PTCD1: variants seen among roughly 807,000 people sequenced by gnomAD.
PTCD1 encodes pentatricopeptide repeat domain 1, also known as pentatricopeptide repeat-containing protein 1, mitochondrial.
Under a neutral mutation model 53.4 loss-of-function variants are expected in PTCD1, and 50 were observed. The ratio of observed to expected loss-of-function variants is 0.94; its 90% CI spans 0.75 to 1.19. The LOEUF is 1.19. PTCD1 is among the 50% of genes most tolerant of loss of function. The probability of loss-of-function intolerance (pLI) is 0.00; values close to 1 mark genes in which losing one functional copy is unlikely to be tolerated. For synonymous variants in PTCD1, 413 were observed against 394.8 expected, an observed-to-expected ratio of 1.05 and a Z score of -0.55; for missense variants, 918 against 904.8, an observed-to-expected ratio of 1.01 and a Z score of -0.19.
Position 99,417,689 on chromosome 7 carries a change from A to G in PTCD1, c.*2278T>C. 6.4e-7 allele frequency: 1 copy of G among 1,560,010 alleles called. No homozygotes were observed. On this transcript the variant is annotated 3_prime_UTR_variant, in exon 8 of 8. Coordinates refer to ENST00000292478, the MANE Select transcript of PTCD1 (RefSeq NM_015545.4). ...TCTTATGTTATTTGGTTGGGCTGGA[A>G]TGTCGTTTTGTCCCTGGATGTCCTG... is the stretch of plus-strand genomic sequence containing the variant.
At chr7:99,424,674 T>G in intron 6 of PTCD1, 121 bp downstream of exon 6, 1 of 1,336,556 alleles carries the variant, frequency 7.5e-7, no homozygotes, top group African/African-American at 1.5e-5. Flanking sequence ...CCACTCTCTT[T>G]GCCCCATGCA....
intron 5 of PTCD1, among the ~76,000 whole-genome samples, chr7:99,427,425 A>G (rs1464805673): frequency 1.6e-4 from 19 of 118,380 alleles, no homozygotes; most frequent in South Asian, 3.3e-4. Context: ...GGCCGCCCCT[A>G]CTGGGAAGTG....
chr7:99,430,364 G>T (rs1472901824), intron 3 of PTCD1, among the ~76,000 whole-genome samples: 1 of 152,310 alleles, frequency 6.6e-6, no homozygotes, highest in East Asian at 1.9e-4. Context: ...TGAGCCTCCA[G>T]GGGACTAAGG....
intron 7 of PTCD1, among the ~76,000 whole-genome samples, chr7:99,420,894 C>T (rs1264208846): frequency 6.6e-6 from 1 of 151,948 alleles, no homozygotes; most frequent in African/African-American, 2.4e-5. Flanking sequence ...TTGCAGTGAG[C>T]TGAGATCACG....
At chr7:99,429,309 A>G (rs1408369256) in intron 4 of PTCD1, 105 bp from the exon 5 acceptor site, 3 of 1,428,452 alleles carry the variant, frequency 2.1e-6, no homozygotes, top group Middle Eastern at 1.7e-4. Flanking sequence ...CAGGATGATC[A>G]CTTGAGGCCA....
intron 3 of PTCD1, among the ~76,000 whole-genome samples, chr7:99,432,180 C>T (rs907587940): frequency 1.3e-5 from 2 of 152,254 alleles, no homozygotes; most frequent in South Asian, 2.1e-4. Flanking sequence ...CCCAGCCCGA[C>T]GCCCATAAAG....
Position 99,424,895 on chromosome 7 carries a change from A to G in PTCD1, c.1637T>C (p.Leu546Pro). ...GTTGGGGACGAGGCCCCTCTTTGCC[A>G]GGACCGGCAACAGCGCCTTGGCCCC... ...LEGAKALLPV[L>P]AKRGLVPNLQ... The change falls in exon 6 of 8, where the codon CTG becomes CCG. Residue 546 changes from leucine (L) to proline (P), a missense_variant. By Grantham distance (98) the Leu-to-Pro change is moderately conservative (BLOSUM62 -3). Transcript: ENST00000292478. 2 of 1,614,258 alleles carry G rather than the reference A, an allele frequency of 1.2e-6. No homozygotes were observed. The highest frequency in any genetic ancestry group is 2.2e-5 in the East Asian group (1 of 44,888).
chr7:99,436,371 G>A (rs1403982275), intron 1 of PTCD1, among the ~76,000 whole-genome samples: 1 of 152,130 alleles, frequency 6.6e-6, no homozygotes, highest in Non-Finnish European at 1.5e-5. Flanking sequence ...TGTAATCCCA[G>A]CACTTTGGGA....
At chr7:99,429,892 A>T in intron 3 of PTCD1, 86 bp from the exon 4 acceptor site, 3 of 1,534,166 alleles carry the variant, frequency 2.0e-6, no homozygotes, top group Non-Finnish European at 2.7e-6. Flanking sequence ...CTGAGGCTGG[A>T]GAGGACCCCG....
chr7:99,429,765 C>T lies in PTCD1; in HGVS notation c.636G>A (p.Thr212=), dbSNP rs757707795. Residue 212 remains threonine (T), a synonymous_variant, in exon 4 of 8, where the codon ACG becomes ACA. Transcript: ENST00000292478. ...ACTCGGCACAGACGTTGAACAGGGCCGTGTAGGTGGCGTCCGAGGGCTCCA... is the reference window on the plus strand; with the variant it reads ...ACTCGGCACAGACGTTGAACAGGGCTGTGTAGGTGGCGTCCGAGGGCTCCA... The part of the protein sequence containing the change: ...RDLEPSDATY[T]ALFNVCAESP... 1.9e-6 allele frequency: 3 copies of T among 1,614,034 alleles called. No individual in the cohort carries two copies. The highest frequency in any genetic ancestry group is 1.7e-5 in the Admixed American group (1 of 60,006).
Position 99,424,801 on chromosome 7 carries a change from G to T in PTCD1, c.1731C>A (p.Asp577Glu). The change falls in exon 6 of 8, where the codon GAC becomes GAA. Residue 577 changes from aspartate (D) to glutamate (E), a missense_variant. Physicochemically the swap from Asp to Glu is conservative, Grantham distance 45 (BLOSUM62 2). Transcript: ENST00000292478. ...RPKDGLQLLT[D>E]MKKSQVTPNT... ...CAGGCCCGAGTCCACTCACCTTCAT[G>T]TCTGTGAGAAGCTGTAGACCGTCCT... is the stretch of plus-strand genomic sequence containing the variant. 2 of 1,614,212 alleles carry T rather than the reference G, an allele frequency of 1.2e-6. No individual in the cohort carries two copies. The highest frequency in any genetic ancestry group is 2.2e-5 in the South Asian group (2 of 91,086).
rs764912236 is a variant in PTCD1, at chr7:99,419,345, C to T, written c.*622G>A. The T allele has an allele frequency of 2.7e-5, 44 of 1,606,894 alleles. No individual in the cohort carries two copies. Among genetic ancestry groups the T allele is most frequent in the South Asian group, 7.7e-5 (7 of 90,960 alleles). ...TGCCACATATGTGAGTGTGCAGGGG[C>T]GAGCGTGGCGCAGTGGCATCGTCTC... is the stretch of plus-strand genomic sequence containing the variant. On this transcript the variant is annotated 3_prime_UTR_variant, in exon 8 of 8. Transcript: ENST00000292478.
chr7:99,425,275 C>A lies in PTCD1; in HGVS notation c.1257G>T (p.Glu419Asp), dbSNP rs762845880. 1.9e-6 allele frequency: 3 copies of A among 1,613,416 alleles called. No individual in the cohort carries two copies. The highest frequency in any genetic ancestry group is 2.2e-5 in the South Asian group (2 of 91,036). Reference sequence around the variant, plus strand: ...CGGTGAGGGCTGCTGTGTGGCTGGGCTCTGCCTTAGTATCCACCTCTGGTT... The same window carrying A: ...CGGTGAGGGCTGCTGTGTGGCTGGGATCTGCCTTAGTATCCACCTCTGGTT... ...KAQPEVDTKA[E>D]PSHTAALTAV... The change falls in exon 6 of 8, where the codon GAG (glutamate) becomes GAT (aspartate). Residue 419 changes from glutamate (E) to aspartate (D), a missense_variant. Glu to Asp is a conservative substitution (Grantham distance 45). Transcript: ENST00000292478.
In PTCD1 at chr7:99,417,478, T is replaced by A; in HGVS notation, c.*2489A>T. 3 of 1,611,934 alleles carry A rather than the reference T, an allele frequency of 1.9e-6. No homozygotes were observed. The highest frequency in any genetic ancestry group is 2.5e-6 in the Non-Finnish European group (3 of 1,179,088). ...AAGGCTATGCAGACAAAAACCTGAT[T>A]GCAAAATGGAAAAAGCAAGGATATG... On this transcript the variant is annotated 3_prime_UTR_variant, in exon 8 of 8. Coordinates refer to ENST00000292478, the MANE Select transcript of PTCD1 (RefSeq NM_015545.4).
At chr7:99,427,110 C>T (rs1329722101) in intron 5 of PTCD1, among the ~76,000 whole-genome samples, 2 of 150,966 alleles carry the variant, frequency 1.3e-5, no homozygotes, top group South Asian at 2.1e-4. Context: ...CCAGGCCAGC[C>T]GCCCCGTCCG....
chr7:99,432,334 G>A (rs1391966202), intron 3 of PTCD1, among the ~76,000 whole-genome samples: 1 of 152,206 alleles, frequency 6.6e-6, no homozygotes, highest in Non-Finnish European at 1.5e-5. Context: ...TGAGATAGGC[G>A]AAAACCGCCT....
intron 5 of PTCD1, 124 bp from the exon 6 acceptor site, chr7:99,425,740 G>A (rs899897401): frequency 5.3e-6 from 7 of 1,320,260 alleles, no homozygotes; most frequent in South Asian, 1.3e-5. Context: ...TCAGGAGTTC[G>A]AGACAAGACC....
Position 99,420,028 on chromosome 7 carries a change from G to A in PTCD1, c.2042C>T (p.Pro681Leu). The A allele has an allele frequency of 6.2e-7, 1 of 1,614,198 alleles. No homozygotes were observed. The highest frequency in any genetic ancestry group is 8.5e-7 in the Non-Finnish European group (1 of 1,180,022). Reference protein sequence around the residue: ...PHPWQKFRTKPQGDQDTGKEA... With the variant: ...PHPWQKFRTKLQGDQDTGKEA... ...CTTGCCGGTGTCCTGGTCCCCCTGG[G>A]GCTTGGTCCGGAACTTCTGCCAGGG... The change falls in exon 8 of 8, where the codon CCC (proline) becomes CTC (leucine). Residue 681 changes from proline (P) to leucine (L), a missense_variant. Coordinates refer to ENST00000292478, the MANE Select transcript of PTCD1 (RefSeq NM_015545.4).
chr7:99,429,590 T>G lies in PTCD1; in HGVS notation c.811A>C (p.Lys271Gln). 6.2e-7 allele frequency: 1 copy of G among 1,614,170 alleles called. No homozygotes were observed. Among genetic ancestry groups the G allele is most frequent in the East Asian group, 2.2e-5 (1 of 44,890 alleles). Reference sequence around the variant, plus strand: ...CAGGACGGCAGGGGAAGCCCCACCTTGAACACATCGAGGCACATCCTAAGG... The same window carrying G: ...CAGGACGGCAGGGGAAGCCCCACCTGGAACACATCGAGGCACATCCTAAGG... ...ADLRMCLDVF[K>Q]EIIHKGHVVT... is the part of the protein sequence containing the mutation. Residue 271 changes from lysine (K) to glutamine (Q), a missense_variant and splice_region_variant, in exon 4 of 8, where the codon AAG (lysine) becomes CAG (glutamine). Lys to Gln is a moderately conservative substitution (Grantham distance 53). Coordinates refer to ENST00000292478, the MANE Select transcript of PTCD1 (RefSeq NM_015545.4).
Sources: allele counts gnomAD v4.1 joint callset (sites outside exome capture counted in the v4.1 genomes callset), GRCh38; gene constraint gnomAD v4.1.1; transcripts MANE v1.5; gene names NCBI Gene and HGNC (gene_info 2026-07-23, HGNC 2026-07-21).